CACNA2D3: variants seen among roughly 807,000 people sequenced by gnomAD.
CACNA2D3 encodes the protein voltage-dependent calcium channel subunit alpha-2/delta-3.
In CACNA2D3, 60 loss-of-function variants were observed where a neutral mutation model predicts 160.6. The observed-to-expected ratio is 0.37, with a 90% CI of 0.30 to 0.46. The LOEUF (loss-of-function observed/expected upper bound fraction) is 0.46, where lower values mean the gene tolerates loss of function less well. Among genes scored for constraint, CACNA2D3 ranks in the 20% least tolerant of loss-of-function variants. CACNA2D3 has a pLI of 1.00. For synonymous variants in CACNA2D3, 558 were observed against 492.9 expected (o/e 1.13, Z -1.75); for missense variants, 1,205 against 1,365.0 (o/e 0.88, Z 1.85).
At chr3:54,240,820 C>G (rs985355490) in intron 2 of CACNA2D3, among the ~76,000 whole-genome samples, 1 of 152,134 alleles carries the variant, frequency 6.6e-6, no homozygotes, top group South Asian at 2.1e-4. Flanking sequence ...CGGCTCACTG[C>G]GTCTTCTGCC....
chr3:54,591,437 C>G (rs567186141), intron 9 of CACNA2D3, among the ~76,000 whole-genome samples: 1 of 152,252 alleles, frequency 6.6e-6, no homozygotes, highest in Non-Finnish European at 1.5e-5. Context: ...GCAGACTTGC[C>G]TGGTTTTCCG....
chr3:54,439,836 C>A (rs9831972), intron 4 of CACNA2D3, among the ~76,000 whole-genome samples: 7,730 of 152,222 alleles, frequency 0.051, 323 homozygotes, highest in African/African-American at 0.11. Context: ...CCTTCCATCC[C>A]GTCTGCCCTC....
chr3:54,800,546 G>A (rs1291051031), intron 13 of CACNA2D3, among the ~76,000 whole-genome samples: 1 of 152,164 alleles, frequency 6.6e-6, no homozygotes, highest in African/African-American at 2.4e-5. Flanking sequence ...CTAATTGTGA[G>A]AATTTTCAGG....
At chr3:54,345,814 C>T (rs866413117) in intron 3 of CACNA2D3, among the ~76,000 whole-genome samples, 15 of 150,482 alleles carry the variant, frequency 1.0e-4, no homozygotes, top group Admixed American at 3.3e-4. Context: ...ATGATTAGTT[C>T]CAAGTCTCTC....
chr3:55,008,724 C>T (rs1042449301), intron 33 of CACNA2D3, among the ~76,000 whole-genome samples: 1 of 152,076 alleles, frequency 6.6e-6, no homozygotes, highest in African/African-American at 2.4e-5. Flanking sequence ...GAATAGTAGC[C>T]ATAAGCCTGA....
At chr3:54,328,520 G>A (rs146305500) in intron 3 of CACNA2D3, among the ~76,000 whole-genome samples, 2,737 of 152,212 alleles carry the variant, frequency 0.018, 83 homozygotes, top group African/African-American at 0.062. Context: ...GACCTCAGGT[G>A]ATCTGCCCAC....
chr3:55,003,635 G>A (rs1703030053), intron 31 of CACNA2D3, among the ~76,000 whole-genome samples: 1 of 152,152 alleles, frequency 6.6e-6, no homozygotes, highest in Non-Finnish European at 1.5e-5. Flanking sequence ...AAATGATTTT[G>A]AGGGGGAAAC....
At chr3:55,011,921 G>GA (rs11338121) in intron 34 of CACNA2D3, among the ~76,000 whole-genome samples, 1 of 151,718 alleles carries the variant, frequency 6.6e-6, no homozygotes, top group East Asian at 1.9e-4. Context: ...TAATAGGAGT[G>GA]AAAAAAAATG....
chr3:54,226,960 T>C (rs558441207), intron 2 of CACNA2D3, among the ~76,000 whole-genome samples: 2 of 152,336 alleles, frequency 1.3e-5, no homozygotes, highest in East Asian at 3.9e-4. Flanking sequence ...TAGTCCATCA[T>C]TGCAGTAAGC....
At chr3:54,596,614 T>C (rs532232821) in intron 9 of CACNA2D3, among the ~76,000 whole-genome samples, 1 of 152,114 alleles carries the variant, frequency 6.6e-6, no homozygotes, top group South Asian at 2.1e-4. Context: ...CTTTTGCTTG[T>C]GGGTTCTCAT....
At chr3:54,810,127 C>T (rs189623970) in intron 13 of CACNA2D3, among the ~76,000 whole-genome samples, 3 of 152,204 alleles carry the variant, frequency 2.0e-5, no homozygotes, top group Admixed American at 6.5e-5. Flanking sequence ...GTGAAGTTGT[C>T]GGGGCAGAGC....
chr3:54,633,512 A>G (rs970161407), intron 10 of CACNA2D3: 3 of 152,176 alleles, frequency 2.0e-5, no homozygotes, highest in Admixed American at 2.0e-4. Context: ...CAAAAAGGGA[A>G]AAAAGGGAAA....
At chr3:54,506,095 A>G (rs1454230860) in intron 5 of CACNA2D3, among the ~76,000 whole-genome samples, 2 of 152,146 alleles carry the variant, frequency 1.3e-5, no homozygotes, top group Non-Finnish European at 2.9e-5. Flanking sequence ...TCACTGCCCA[A>G]GGGCAGAGGA....
At chr3:54,287,783 C>T (rs1182854577) in intron 2 of CACNA2D3, among the ~76,000 whole-genome samples, 13 of 148,712 alleles carry the variant, frequency 8.7e-5, no homozygotes, top group East Asian at 6.0e-4. Context: ...CACTAAAAAC[C>T]GCTCAACTGC....
chr3:54,434,642 C>T (rs1324591290), intron 4 of CACNA2D3, among the ~76,000 whole-genome samples: 1 of 152,216 alleles, frequency 6.6e-6, no homozygotes, highest in Non-Finnish European at 1.5e-5. Context: ...TGACAGCATG[C>T]TCAGCAGTAG....
chr3:54,464,187 G>T (rs533773573), intron 4 of CACNA2D3, among the ~76,000 whole-genome samples: 1 of 152,318 alleles, frequency 6.6e-6, no homozygotes, highest in African/African-American at 2.4e-5. Context: ...CCCTACTGGG[G>T]GGTGCCTCCT....
intron 27 of CACNA2D3, among the ~76,000 whole-genome samples, chr3:54,950,769 G>A (rs1692445688): frequency 2.0e-5 from 3 of 152,164 alleles, no homozygotes; most frequent in Admixed American, 1.3e-4. Context: ...CCAATATCTT[G>A]CACCTTGATC....
At chr3:54,997,148 G>A (rs1223308164) in intron 31 of CACNA2D3, among the ~76,000 whole-genome samples, 2 of 152,066 alleles carry the variant, frequency 1.3e-5, no homozygotes, top group African/African-American at 4.8e-5. Context: ...TTCTGCACAT[G>A]TATCCCAGAA....
At chr3:54,434,342 T>C (rs1273316342) in intron 4 of CACNA2D3, among the ~76,000 whole-genome samples, 1 of 152,176 alleles carries the variant, frequency 6.6e-6, no homozygotes, top group African/African-American at 2.4e-5. Context: ...CCTATGCCGA[T>C]GAGGAGCTGG....
Sources: allele counts gnomAD v4.1 joint callset (sites outside exome capture counted in the v4.1 genomes callset), GRCh38; gene constraint gnomAD v4.1.1; transcripts MANE v1.5; gene names NCBI Gene and HGNC (gene_info 2026-07-23, HGNC 2026-07-21).